The following LMX1A variants were observed in gnomAD, a reference collection of about 807,000 sequenced individuals.
LMX1A encodes the protein LIM homeobox transcription factor 1-alpha.
In LMX1A, 15 loss-of-function variants were observed where a neutral mutation model predicts 49.1. That is an observed-to-expected ratio of 0.31 (90% CI 0.20 to 0.47). The LOEUF (loss-of-function observed/expected upper bound fraction) is 0.47. Ranked by LOEUF, LMX1A falls within the 20% of genes least tolerant of loss-of-function variation. The probability of loss-of-function intolerance (pLI) is 1.00; values close to 1 mark genes in which losing one functional copy is unlikely to be tolerated. For synonymous variants in LMX1A, 167 were observed against 185.7 expected (o/e 0.90, Z 0.82); for missense variants, 372 against 475.8 (o/e 0.78, Z 2.03).
chr1:165,260,510 G>T (rs1653400281), intron 3 of LMX1A, among the ~76,000 whole-genome samples: 1 of 152,114 alleles, frequency 6.6e-6, no homozygotes, highest in South Asian at 2.1e-4. Context: ...TTACCATTGT[G>T]CTATATGTCC....
intron 3 of LMX1A, among the ~76,000 whole-genome samples, chr1:165,319,670 T>C (rs1466247434): frequency 6.6e-6 from 1 of 151,862 alleles, no homozygotes; most frequent in African/African-American, 2.4e-5. Context: ...TAAATGAAAA[T>C]AGATGTTTAT....
chr1:165,287,472 C>CA (rs1318261228), intron 3 of LMX1A, among the ~76,000 whole-genome samples: 6 of 152,176 alleles, frequency 3.9e-5, no homozygotes, highest in African/African-American at 1.4e-4. Context: ...ATTGGGCCCT[C>CA]AGGGTGAGTT....
intron 4 of LMX1A, among the ~76,000 whole-genome samples, chr1:165,217,525 A>T (rs1651687614): frequency 6.6e-6 from 1 of 152,184 alleles, no homozygotes; most frequent in Non-Finnish European, 1.5e-5. Context: ...TTTCAAAACG[A>T]GGAGAAGAGA....
chr1:165,221,474 C>T (rs1651842689), intron 4 of LMX1A, among the ~76,000 whole-genome samples: 1 of 152,180 alleles, frequency 6.6e-6, no homozygotes, highest in African/African-American at 2.4e-5. Flanking sequence ...GCACCGTGCA[C>T]TAAGCACTCC....
chr1:165,225,583 A>G (rs564503028), intron 4 of LMX1A, among the ~76,000 whole-genome samples: 24 of 152,332 alleles, frequency 1.6e-4, no homozygotes, highest in African/African-American at 5.8e-4. Flanking sequence ...GGGTTAGAGG[A>G]AAAACATTGT....
At chr1:165,224,116 A>G (rs1477412059) in intron 4 of LMX1A, among the ~76,000 whole-genome samples, 1 of 152,192 alleles carries the variant, frequency 6.6e-6, no homozygotes, top group Non-Finnish European at 1.5e-5. Context: ...GTGAGTCCTC[A>G]TGAGATCAGA....
At position 165,355,601 on chromosome 1, in the gene LMX1A, A is replaced by C; in HGVS notation, c.-22-20T>G. 1 of 1,591,620 alleles carries C rather than the reference A, an allele frequency of 6.3e-7. No homozygotes were observed. On this transcript the variant is annotated intron_variant, in intron 1 of 8. Transcript: ENST00000342310. The surrounding 1 kb of genome is among the most constrained non-coding windows in gnomAD (Gnocchi z 4.7). The stretch of plus-strand genomic sequence containing the variant: ...GAGGACCTGTAGAGGAGAAGAAACG[A>C]TGCGTCTGACGTCCGTGCCCGCTGG...
At chr1:165,281,226 A>G (rs545657173) in intron 3 of LMX1A, among the ~76,000 whole-genome samples, 1 of 152,368 alleles carries the variant, frequency 6.6e-6, no homozygotes, top group African/African-American at 2.4e-5. Flanking sequence ...GCAGAAATGC[A>G]AGACACTAAG....
chr1:165,342,943 G>C (rs911753152), intron 3 of LMX1A, among the ~76,000 whole-genome samples: 2 of 151,976 alleles, frequency 1.3e-5, no homozygotes, highest in Non-Finnish European at 2.9e-5. Flanking sequence ...CGTGACCTTG[G>C]GCAAGTTGTT....
chr1:165,297,705 T>G (rs1352471076), intron 3 of LMX1A, among the ~76,000 whole-genome samples: 3 of 152,128 alleles, frequency 2.0e-5, no homozygotes, highest in East Asian at 1.9e-4. Flanking sequence ...GTGTCCCAAA[T>G]GACCCTTTCT....
chr1:165,327,090 G>T (rs1296556204), intron 3 of LMX1A, among the ~76,000 whole-genome samples: 1 of 152,156 alleles, frequency 6.6e-6, no homozygotes, highest in African/African-American at 2.4e-5. Flanking sequence ...CTAGAGACTA[G>T]GGTAGAGATG....
intron 3 of LMX1A, among the ~76,000 whole-genome samples, chr1:165,344,445 G>T (rs6667007): frequency 0.2 from 30,363 of 152,134 alleles, 3,311 homozygotes; most frequent in Non-Finnish European, 0.22. Flanking sequence ...AAAAGGATTT[G>T]TTCCACTGTC....
chr1:165,319,939 A>C (rs761556276), intron 3 of LMX1A, among the ~76,000 whole-genome samples: 23 of 152,210 alleles, frequency 1.5e-4, no homozygotes, highest in Admixed American at 3.9e-4. Context: ...TCTCAATCAC[A>C]TGGACCACCA....
intron 3 of LMX1A, among the ~76,000 whole-genome samples, chr1:165,308,555 G>A (rs184122199): frequency 3.6e-4 from 55 of 152,290 alleles, no homozygotes; most frequent in African/African-American, 1.3e-3. Flanking sequence ...TACTGAGCAC[G>A]TACTTGGTGA....
intron 6 of LMX1A, among the ~76,000 whole-genome samples, chr1:165,209,460 T>G (rs78773643): frequency 0.042 from 6,430 of 152,226 alleles, 448 homozygotes; most frequent in African/African-American, 0.15. Context: ...GTTGGAACAT[T>G]CAGCCCCACC....
chr1:165,248,145 T>G (rs1406804295), intron 4 of LMX1A, among the ~76,000 whole-genome samples: 1 of 152,172 alleles, frequency 6.6e-6, no homozygotes, highest in Admixed American at 6.5e-5. Flanking sequence ...CATGAGGGAT[T>G]AAGAGACCTT....
At chr1:165,353,023 G>A (rs905881627) in intron 3 of LMX1A, 53 bp downstream of exon 3, 3 of 1,568,476 alleles carry the variant, frequency 1.9e-6, no homozygotes, top group African/African-American at 1.3e-5. Context: ...CAAAGTCCTC[G>A]ACGCACACTG....
chr1:165,270,992 C>T (rs1653775856), intron 3 of LMX1A, among the ~76,000 whole-genome samples: 1 of 152,154 alleles, frequency 6.6e-6, no homozygotes, highest in Non-Finnish European at 1.5e-5. Flanking sequence ...AGCCATTTCC[C>T]TCCCAATCAC....
At chr1:165,288,503 G>A (rs899608981) in intron 3 of LMX1A, among the ~76,000 whole-genome samples, 5 of 152,132 alleles carry the variant, frequency 3.3e-5, no homozygotes, top group East Asian at 1.9e-4. Context: ...ACAAGGCAAC[G>A]TGAAGCCTGT....
Sources: gnomAD v4.1 joint callset for allele counts (sites outside exome capture counted in the v4.1 genomes callset) on GRCh38, gnomAD v4.1.1 for gene constraint, Gnocchi (gnomAD v3.1) non-coding constraint, MANE v1.5 for transcripts, NCBI Gene and HGNC (gene_info 2026-07-23, HGNC 2026-07-21) for gene names.